TP53BP1: variants seen among roughly 807,000 people sequenced by gnomAD.
TP53BP1 encodes the protein tumor protein p53 binding protein 1, also known as TP53-binding protein 1.
Under a neutral mutation model 200.8 loss-of-function variants are expected in TP53BP1, and 61 were observed. The observed-to-expected ratio is 0.30, with a 90% CI of 0.25 to 0.38. The LOEUF is 0.38. Among genes scored for constraint, TP53BP1 ranks in the 10% least tolerant of loss-of-function variants. TP53BP1 has a pLI of 1.00. For synonymous variants in TP53BP1, 822 were observed against 844.3 expected (o/e 0.97, Z 0.46); for missense variants, 2,144 against 2,371.9 (o/e 0.90, Z 2.00).
rs1369329445 is a variant in TP53BP1, at chr15:43,407,877, G to A, written c.5746+66C>T. 23 of 1,490,462 alleles carry A rather than the reference G, an allele frequency of 1.5e-5. No individual in the cohort carries two copies. In the East Asian group the frequency reaches 3.4e-4, roughly 22 times the overall value. The allele number at this position is 1,490,462 out of a possible 1,614,324, so 92.3% of individuals were successfully genotyped here. A position where few individuals can be genotyped will look rare whatever the true frequency, so the allele number is the denominator to read the frequency against. Reference sequence around the variant, plus strand: ...ATTAGGCCTGAGCCTTGGACCACAAGGCCTAACACCTACAGGTCTAAGGAG... The same window carrying A: ...ATTAGGCCTGAGCCTTGGACCACAAAGCCTAACACCTACAGGTCTAAGGAG... On this transcript the variant is annotated intron_variant, in intron 27 of 27. Coordinates refer to ENST00000382044, the MANE Select transcript of TP53BP1 (RefSeq NM_001141980.3).
chr15:43,409,355 C>T, intron 25 of TP53BP1: 1 of 575,268 alleles, frequency 1.7e-6, no homozygotes, highest in Non-Finnish European at 3.1e-6. Context: ...CTCAGCCTTT[C>T]AGGCTAAAAA....
intron 12 of TP53BP1, among the ~76,000 whole-genome samples, chr15:43,451,454 G>T (rs908947694): frequency 2.4e-4 from 36 of 151,698 alleles, no homozygotes; most frequent in Non-Finnish European, 4.3e-4. Context: ...TTGTCCTTGC[G>T]ATAGTTTACT....
At chr15:43,431,453 C>CA (rs1364966228) in intron 17 of TP53BP1, among the ~76,000 whole-genome samples, 1 of 152,070 alleles carries the variant, frequency 6.6e-6, no homozygotes, top group Non-Finnish European at 1.5e-5. Flanking sequence ...CTATGTTGCC[C>CA]AGTCTAGTCT....
rs201580098 is a variant in TP53BP1, at chr15:43,474,726, C to A, written c.1127G>T (p.Arg376Leu). ...DLVAPSPDAF[R>L]STPFIVPSSP... is the part of the protein sequence containing the mutation. ...GCTAGGAACGATAAAAGGAGTAGATCGGAAAGCATCAGGAGAAGGAGCAAC... is the reference window on the plus strand; with the variant it reads ...GCTAGGAACGATAAAAGGAGTAGATAGGAAAGCATCAGGAGAAGGAGCAAC... Residue 376 changes from arginine to leucine, a missense_variant, in exon 10 of 28, where the codon CGA becomes CTA. By Grantham distance (102) the Arg-to-Leu change is moderately radical. Transcript: ENST00000382044. The A allele has an allele frequency of 1.2e-6, 2 of 1,613,458 alleles. No individual in the cohort carries two copies. The highest frequency in any genetic ancestry group is 1.7e-6 in the Non-Finnish European group (2 of 1,179,474).
At chr15:43,493,473 C>G (rs180708130), upstream of TP53BP1, among the ~76,000 whole-genome samples, 21 of 152,262 alleles carry the variant, frequency 1.4e-4, no homozygotes, top group East Asian at 3.9e-3. Flanking sequence ...GTTCACGCCC[C>G]TTAATCCCCG....
At chr15:43,477,397 A>T (rs1310592540) in intron 8 of TP53BP1, among the ~76,000 whole-genome samples, 196 bp downstream of exon 8, 1 of 152,218 alleles carries the variant, frequency 6.6e-6, no homozygotes, top group Non-Finnish European at 1.5e-5. Context: ...AAAGAGAGAA[A>T]ATTATGTCAA....
intron 11 of TP53BP1, among the ~76,000 whole-genome samples, chr15:43,464,122 C>G (rs1001843299): frequency 2.0e-5 from 3 of 152,174 alleles, no homozygotes; most frequent in African/African-American, 7.2e-5. Context: ...CCACTCAGAA[C>G]TACTAATCAT....
intron 1 of TP53BP1, among the ~76,000 whole-genome samples, chr15:43,509,188 C>CGG (rs11433386): frequency 0.018 from 28 of 1,558 alleles, no homozygotes; most frequent in African/African-American, 0.043. Flanking sequence ...GATCCACAAA[C>CGG]GGGGGGGGGG....
intron 11 of TP53BP1, among the ~76,000 whole-genome samples, chr15:43,465,920 G>A (rs528020056): frequency 5.3e-5 from 8 of 152,224 alleles, no homozygotes; most frequent in African/African-American, 1.9e-4. Flanking sequence ...CTCCCAAAGT[G>A]CTAAGATTAC....
chr15:43,471,323 A>C (rs2140096386), intron 10 of TP53BP1, among the ~76,000 whole-genome samples: 2 of 152,206 alleles, frequency 1.3e-5, no homozygotes, highest in Middle Eastern at 6.8e-3. Flanking sequence ...TACTAGTTGT[A>C]GCTATATCTG....
At chr15:43,490,902 G>T (rs2079112767) in intron 4 of TP53BP1, among the ~76,000 whole-genome samples, 1 of 152,026 alleles carries the variant, frequency 6.6e-6, no homozygotes. Flanking sequence ...GTCCAATACA[G>T]GACCTAACAC....
At chr15:43,436,162 T>C (rs1394748478) in intron 16 of TP53BP1, among the ~76,000 whole-genome samples, 2 of 152,130 alleles carry the variant, frequency 1.3e-5, no homozygotes, top group Non-Finnish European at 2.9e-5. Flanking sequence ...TGGCTAATTT[T>C]GTACTTTTTG....
In TP53BP1 at chr15:43,405,091, T is replaced by A; in HGVS notation, c.*2292A>T. 7.8e-7 allele frequency: 1 copy of A among 1,286,794 alleles called. No homozygotes were observed. The highest frequency in any genetic ancestry group is 1.1e-6 in the Non-Finnish European group (1 of 905,732). The allele number at this position is 1,286,794 out of a possible 1,614,324, so 79.7% of individuals were successfully genotyped here. On this transcript the variant is annotated 3_prime_UTR_variant, in exon 28 of 28. Coordinates refer to ENST00000382044, the MANE Select transcript of TP53BP1 (RefSeq NM_001141980.3). ...GTAGCAGAAGAGTCAAAAGAAACTC[T>A]TCAGTTTTAAGATGACATTATTTAG...
Position 43,406,229 on chromosome 15 carries a change from AGT to A in TP53BP1, c.*1152_*1153del, listed in dbSNP as rs1354879137. ...ATCACTGGTAATCAATATTCATATCAGTGTAAGTAAAAAGAAATATTCACTGA... is the reference window on the plus strand; with the variant it reads ...ATCACTGGTAATCAATATTCATATCAGTAAGTAAAAAGAAATATTCACTGA... On this transcript the variant is annotated 3_prime_UTR_variant, in exon 28 of 28. Transcript: ENST00000382044. 4 of 175,058 alleles carry A rather than the reference AGT, an allele frequency of 2.3e-5. No homozygotes were observed. The highest frequency in any genetic ancestry group is 1.8e-4 in the Admixed American group (3 of 16,882). 10.8% of individuals were successfully genotyped at this position (175,058 alleles called of 1,614,324 possible).
At chr15:43,409,839 C>G in intron 24 of TP53BP1, 98 bp from the exon 25 acceptor site, 1 of 554,658 alleles carries the variant, frequency 1.8e-6, no homozygotes, top group Non-Finnish European at 3.1e-6. Flanking sequence ...CACTCCCCAG[C>G]TATCCACAAC....
intron 23 of TP53BP1, 155 bp downstream of exon 23, chr15:43,415,439 G>A: frequency 1.3e-6 from 1 of 770,420 alleles, no homozygotes; most frequent in Non-Finnish European, 2.3e-6. Context: ...GATACAGTGA[G>A]CTGTCCCTGA....
intron 18 of TP53BP1, 46 bp downstream of exon 18, chr15:43,427,970 A>AAAAAG: frequency 7.1e-7 from 1 of 1,407,364 alleles, no homozygotes; most frequent in Non-Finnish European, 9.5e-7. Context: ...AAAAAAAAAA[A>AAAAAG]AAAGAAAGAA....
At chr15:43,457,433 T>C (rs2046326970) in intron 11 of TP53BP1, among the ~76,000 whole-genome samples, 1 of 152,044 alleles carries the variant, frequency 6.6e-6, no homozygotes, top group South Asian at 2.1e-4. Flanking sequence ...TCTCACAAAG[T>C]GGGGATACGT....
chr15:43,431,148 G>C (rs936705512), intron 17 of TP53BP1, among the ~76,000 whole-genome samples: 1 of 152,046 alleles, frequency 6.6e-6, no homozygotes, highest in Non-Finnish European at 1.5e-5. Context: ...GACTAAGAGG[G>C]ACAGCACTTT....
Sources: gnomAD v4.1 joint callset for allele counts (sites outside exome capture counted in the v4.1 genomes callset) on GRCh38, gnomAD v4.1.1 for gene constraint, MANE v1.5 for transcripts, NCBI Gene and HGNC (gene_info 2026-07-23, HGNC 2026-07-21) for gene names.